Variants in LRRFIP2 observed in about 807,000 individuals in gnomAD.
LRRFIP2 encodes the protein leucine-rich repeat flightless-interacting protein 2.
LRRFIP2 carries 109 observed loss-of-function variants against 125.9 expected under a neutral mutation model. The observed-to-expected ratio is 0.87, with a 90% CI of 0.74 to 1.01. The LOEUF (loss-of-function observed/expected upper bound fraction) is 1.01. Among genes scored for constraint, LRRFIP2 ranks in the 50% least tolerant of loss-of-function variants. The pLI is 0.00. For missense variants in LRRFIP2, 850 were observed against 862.3 expected, an observed-to-expected ratio of 0.99 and a Z score of 0.18; for synonymous variants, 291 against 293.1, an observed-to-expected ratio of 0.99 and a Z score of 0.07.
chr3:37,065,804 T>A lies in LRRFIP2; in HGVS notation c.1699+6A>T. 2 of 1,614,136 alleles carry A rather than the reference T, an allele frequency of 1.2e-6. No individual in the cohort carries two copies. Among genetic ancestry groups the A allele is most frequent in the South Asian group, 2.2e-5 (2 of 91,072 alleles). On this transcript the variant is annotated splice_donor_region_variant and intron_variant, in intron 23 of 27. Coordinates refer to ENST00000336686, the MANE Select transcript of LRRFIP2 (RefSeq NM_006309.4). Reference sequence around the variant, plus strand: ...ATCCAAGTCAACATAGCAACCAGTATCTTACCTAATGGCCCTTCTCCTGCT... The same window carrying A: ...ATCCAAGTCAACATAGCAACCAGTAACTTACCTAATGGCCCTTCTCCTGCT...
At chr3:37,062,570 G>A (rs1431823700) in intron 24 of LRRFIP2, among the ~76,000 whole-genome samples, 1 of 152,156 alleles carries the variant, frequency 6.6e-6, no homozygotes, top group Non-Finnish European at 1.5e-5. Context: ...TAGGATACAA[G>A]CTTCCACAAA....
intron 2 of LRRFIP2, among the ~76,000 whole-genome samples, chr3:37,139,385 T>C (rs1230237486): frequency 1.3e-5 from 2 of 152,220 alleles, no homozygotes; most frequent in African/African-American, 2.4e-5. Context: ...ATCTGAATTA[T>C]CAATGGAAAA....
intron 2 of LRRFIP2, among the ~76,000 whole-genome samples, chr3:37,131,238 G>A (rs971349713): frequency 5.3e-5 from 8 of 152,148 alleles, no homozygotes; most frequent in African/African-American, 1.7e-4. Flanking sequence ...GTTCTGTTAC[G>A]CCTCTCTTCA....
At chr3:37,113,009 A>C (rs1279206745) in intron 7 of LRRFIP2, 29 bp from the exon 8 acceptor site, 26 of 1,291,550 alleles carry the variant, frequency 2.0e-5, no homozygotes, top group Non-Finnish European at 2.3e-5. Context: ...AGTTAACTTC[A>C]ATGATTGCAT....
intron 21 of LRRFIP2, among the ~76,000 whole-genome samples, chr3:37,069,574 T>G (rs2090790976): frequency 6.6e-6 from 1 of 152,078 alleles, no homozygotes; most frequent in African/African-American, 2.4e-5. Flanking sequence ...AGGGACTGAA[T>G]GGGGAGTTGT....
At position 37,127,636 on chromosome 3, in the gene LRRFIP2, C is replaced by T. The variant is rs1478606816; in HGVS notation, c.222G>A (p.Lys74=). The part of the protein sequence containing the change: ...SFDRKWGQIQ[K]WLEDSERARY... ...ACAGGCAATACTGGCCTACCAGCCACTTCTGAATCTGTCCCCACTTCCGAT... is the reference window on the plus strand; with the variant it reads ...ACAGGCAATACTGGCCTACCAGCCATTTCTGAATCTGTCCCCACTTCCGAT... Residue 74 remains lysine (K), a synonymous_variant, in exon 4 of 28, where the codon AAG becomes AAA. Coordinates refer to ENST00000336686, the MANE Select transcript of LRRFIP2 (RefSeq NM_006309.4). 3.1e-6 allele frequency: 5 copies of T among 1,613,966 alleles called. No individual in the cohort carries two copies. The highest frequency in any genetic ancestry group is 4.2e-6 in the Non-Finnish European group (5 of 1,179,886).
In LRRFIP2 at chr3:37,064,586, C is replaced by CAA. The variant is rs3067690; in HGVS notation, c.1700-797_1700-796dup. 1.0e-3 allele frequency: 101 copies of CAA among 101,132 alleles called. 2 individuals carry two copies. Among genetic ancestry groups the CAA allele is most frequent in the African/African-American group, 2.0e-3 (52 of 26,406 alleles). 6.3% of individuals were successfully genotyped at this position (101,132 alleles called of 1,614,324 possible). On this transcript the variant is annotated intron_variant, in intron 23 of 27. Transcript: ENST00000336686. ...TGGGCGACCGAGTGAGACTTCGTCTCAAAAAAAAAAAAAAAAAAGATGTGG... is the reference window on the plus strand; with the variant it reads ...TGGGCGACCGAGTGAGACTTCGTCTCAAAAAAAAAAAAAAAAAAAAGATGTGG...
chr3:37,085,232 G>A (rs570977431), intron 18 of LRRFIP2, among the ~76,000 whole-genome samples: 3 of 152,278 alleles, frequency 2.0e-5, no homozygotes, highest in Admixed American at 6.5e-5. Context: ...TAAACCAGCC[G>A]GGTGCGGTGC....
chr3:37,152,181 G>A (rs1189635803), intron 1 of LRRFIP2, among the ~76,000 whole-genome samples: 1 of 152,146 alleles, frequency 6.6e-6, no homozygotes, highest in Admixed American at 6.5e-5. Context: ...GGATGGAGCT[G>A]GAGGCCATTA....
Position 37,060,045 on chromosome 3 carries a change from A to G in LRRFIP2, c.1750-1135T>C, listed in dbSNP as rs2088119007. Among the ~76,000 whole-genome samples, 1 of 152,058 alleles carries G rather than the reference A, an allele frequency of 6.6e-6. No individual in the cohort carries two copies. Among genetic ancestry groups the G allele is most frequent in the Admixed American group, 6.5e-5 (1 of 15,268 alleles). On this transcript the variant is annotated intron_variant, in intron 24 of 27. Coordinates refer to ENST00000336686, the MANE Select transcript of LRRFIP2 (RefSeq NM_006309.4). This position sits in a 1 kb window ranked among gnomAD's most constrained non-coding sequence, Gnocchi z 4.1. Reference sequence around the variant, plus strand: ...AAATCTCAGTATCTCCATCATTCCTATTTATGTGCATCTCACAAAGGGTCA... The same window carrying G: ...AAATCTCAGTATCTCCATCATTCCTGTTTATGTGCATCTCACAAAGGGTCA...
intron 15 of LRRFIP2, among the ~76,000 whole-genome samples, chr3:37,100,214 C>T (rs1025374037): frequency 9.9e-5 from 15 of 152,048 alleles, no homozygotes; most frequent in African/African-American, 3.6e-4. Flanking sequence ...AATCCCAGCG[C>T]TTTGAGAGAC....
chr3:37,152,278 TG>T (rs2096056023), intron 1 of LRRFIP2, among the ~76,000 whole-genome samples: 1 of 152,118 alleles, frequency 6.6e-6, no homozygotes, highest in Non-Finnish European at 1.5e-5. Flanking sequence ...TAATAGACTT[TG>T]GGGACTTGGT....
At chr3:37,079,900 G>A (rs529994944) in intron 19 of LRRFIP2, among the ~76,000 whole-genome samples, 56 of 152,210 alleles carry the variant, frequency 3.7e-4, no homozygotes, top group South Asian at 3.3e-3. Context: ...GTAGATCAGT[G>A]GTTACTTAAG....
At chr3:37,087,323 C>T (rs533676216) in intron 18 of LRRFIP2, among the ~76,000 whole-genome samples, 3 of 152,270 alleles carry the variant, frequency 2.0e-5, no homozygotes, top group African/African-American at 7.2e-5. Context: ...TAATTCTCAT[C>T]CATCTGAGAG....
At chr3:37,058,126 G>A (rs1033101912) in intron 25 of LRRFIP2, among the ~76,000 whole-genome samples, 20 of 152,200 alleles carry the variant, frequency 1.3e-4, no homozygotes, top group African/African-American at 4.1e-4. Context: ...GGGGAAGGGT[G>A]CTTGCTGTAT....
intron 1 of LRRFIP2, among the ~76,000 whole-genome samples, chr3:37,159,854 G>A (rs1376324465): frequency 1.3e-5 from 2 of 150,048 alleles, no homozygotes; most frequent in African/African-American, 2.4e-5. Context: ...GAAAGAAAAA[G>A]AAGGGGAGGA....
intron 1 of LRRFIP2, chr3:37,174,092 T>C (rs2096623713): frequency 6.6e-6 from 1 of 152,146 alleles, no homozygotes; most frequent in Non-Finnish European, 1.5e-5. Flanking sequence ...ATATAATGGA[T>C]ATCCAAAGTA....
Position 37,165,417 on chromosome 3 carries a change from C to T in LRRFIP2, c.-56+9122G>A, listed in dbSNP as rs113051196. ...AAATTGCTTTCCACAAAACTGAATC[C>T]TGGTGCCAAAAAGGTTGGGGACCAC... On this transcript the variant is annotated intron_variant, in intron 1 of 27. Coordinates refer to ENST00000336686, the MANE Select transcript of LRRFIP2 (RefSeq NM_006309.4). Among the ~76,000 whole-genome samples the T allele has an allele frequency of 4.2e-3, 500 of 120,220 alleles. 3 individuals are homozygous for T. The highest frequency in any genetic ancestry group is 0.015 in the African/African-American group (488 of 31,720). The allele number at this position is 120,220 out of a possible 152,430, so 78.9% of individuals were successfully genotyped here.
At chr3:37,147,400 C>T (rs752481942) in intron 2 of LRRFIP2, among the ~76,000 whole-genome samples, 13 of 152,168 alleles carry the variant, frequency 8.5e-5, no homozygotes, top group Non-Finnish European at 1.2e-4. Context: ...TGCACATGTA[C>T]GTTCACTGGA....
Sources: gnomAD v4.1 joint callset for allele counts (sites outside exome capture counted in the v4.1 genomes callset) on GRCh38, gnomAD v4.1.1 for gene constraint, Gnocchi (gnomAD v3.1) non-coding constraint, MANE v1.5 for transcripts, NCBI Gene and HGNC (gene_info 2026-07-23, HGNC 2026-07-21) for gene names.